The following SCN10A variants were observed in gnomAD, a reference collection of about 807,000 sequenced individuals.
The protein encoded by SCN10A is sodium channel protein type 10 subunit alpha.
A neutral mutation model predicts 170.7 loss-of-function variants in SCN10A; 162 were observed. The observed-to-expected ratio is 0.95, with a 90% confidence interval of 0.84 to 1.08. The LOEUF is 1.08. SCN10A is among the 50% of genes least tolerant of loss of function. The pLI is 0.00. For synonymous variants in SCN10A, 985 were observed against 904.6 expected (o/e 1.09, Z -1.59); for missense variants, 2,527 against 2,436.9 (o/e 1.04, Z -0.78).
chr3:38,757,235 GTT>G, intron 8 of SCN10A, 76 bp from the exon 9 acceptor site: 3 of 1,422,126 alleles, frequency 2.1e-6, no homozygotes, highest in Non-Finnish European at 2.9e-6. Flanking sequence ...CAACCACAGA[GTT>G]TTATGTCAGA....
intron 8 of SCN10A, among the ~76,000 whole-genome samples, chr3:38,759,322 G>A (rs757838799): frequency 1.2e-4 from 18 of 152,098 alleles, no homozygotes; most frequent in Non-Finnish European, 2.2e-4. Flanking sequence ...AGGCAGAGCT[G>A]AGGGGTCCTC....
chr3:38,763,411 G>T (rs544623102), intron 6 of SCN10A, 94 bp downstream of exon 6: 2 of 978,090 alleles, frequency 2.0e-6, no homozygotes, highest in Non-Finnish European at 3.3e-6. Flanking sequence ...GGGGACAATA[G>T]TCTTTGCCCT....
chr3:38,804,343 T>G (rs2064393125), intron 1 of SCN10A, among the ~76,000 whole-genome samples: 1 of 152,138 alleles, frequency 6.6e-6, no homozygotes, highest in Admixed American at 6.5e-5. Flanking sequence ...CAGCAGCCCC[T>G]GGCCACTTTG....
chr3:38,803,569 A>G (rs1192768429), intron 1 of SCN10A, among the ~76,000 whole-genome samples: 1 of 148,634 alleles, frequency 6.7e-6, no homozygotes, highest in African/African-American at 2.5e-5. Context: ...CAAACACTGC[A>G]TGTTCTCACT....
chr3:38,722,563 C>T (rs978235853), intron 19 of SCN10A, 151 bp from the exon 20 acceptor site: 5 of 794,670 alleles, frequency 6.3e-6, no homozygotes, highest in Non-Finnish European at 1.0e-5. Flanking sequence ...AAGAGGGGTC[C>T]CTTCCAGGGA....
In SCN10A at chr3:38,698,344, TACC is replaced by T. The variant is rs767391545; in HGVS notation, c.4873_4875del (p.Gly1625del). 8.7e-6 allele frequency: 14 copies of T among 1,613,844 alleles called. No homozygotes were observed. Among genetic ancestry groups the T allele is most frequent in the Non-Finnish European group, 1.1e-5 (13 of 1,179,888 alleles). On this transcript the variant is annotated inframe_deletion, in exon 28 of 28. Coordinates refer to ENST00000449082, the MANE Select transcript of SCN10A (RefSeq NM_006514.4). ...CACCTCACATGGGGAAAGCTGGACA[TACC>T]GAAGATAGAGTAGATGAACATGACA...
chr3:38,776,292 C>G (rs1259570342), intron 4 of SCN10A, among the ~76,000 whole-genome samples: 1 of 152,024 alleles, frequency 6.6e-6, no homozygotes, highest in African/African-American at 2.4e-5. Flanking sequence ...GGAGGCCATT[C>G]ATTACTTACA....
intron 1 of SCN10A, among the ~76,000 whole-genome samples, chr3:38,808,255 C>G (rs977791991): frequency 5.3e-5 from 8 of 152,112 alleles, no homozygotes; most frequent in African/African-American, 1.9e-4. Context: ...TTTTTTCTCT[C>G]TCTCTCAGCA....
At chr3:38,744,617 C>A (rs1048579030) in intron 13 of SCN10A, among the ~76,000 whole-genome samples, 1 of 151,934 alleles carries the variant, frequency 6.6e-6, no homozygotes, top group South Asian at 2.1e-4. Flanking sequence ...TTGGAAAATA[C>A]CTTCTCCATG....
At position 38,723,731 on chromosome 3, in the gene SCN10A, G is replaced by A. The variant is rs147354941; in HGVS notation, c.3229-178C>T. On this transcript the variant is annotated intron_variant, in intron 18 of 27. Transcript: ENST00000449082. Reference sequence around the variant, plus strand: ...GCTGTGTGAGACTGTAAACCTTCGGGGCCCCTGATGGAGTGCTGGCAATGG... The same window carrying A: ...GCTGTGTGAGACTGTAAACCTTCGGAGCCCCTGATGGAGTGCTGGCAATGG... Among the ~76,000 whole-genome samples the A allele has an allele frequency of 2.7e-3, 415 of 152,306 alleles. 1 individual carries two copies. The highest frequency in any genetic ancestry group is 9.3e-3 in the African/African-American group (386 of 41,566).
intron 26 of SCN10A, among the ~76,000 whole-genome samples, chr3:38,702,311 C>T (rs2063164826): frequency 6.6e-6 from 1 of 152,232 alleles, no homozygotes; most frequent in Non-Finnish European, 1.5e-5. Flanking sequence ...TCTCCTGGCC[C>T]TTTGATGCCA....
At chr3:38,701,715 A>G in intron 27 of SCN10A, 124 bp downstream of exon 27, 1 of 874,220 alleles carries the variant, frequency 1.1e-6, no homozygotes, top group East Asian at 2.6e-5. Context: ...CTGCAAATAC[A>G]GGGTTCTTCT....
At chr3:38,757,232 A>G (rs1458075234) in intron 8 of SCN10A, 73 bp from the exon 9 acceptor site, 4 of 1,445,306 alleles carry the variant, frequency 2.8e-6, no homozygotes, top group Non-Finnish European at 3.7e-6. Flanking sequence ...AGACAACCAC[A>G]GAGTTTTATG....
At chr3:38,713,922 C>A (rs745993374) in intron 22 of SCN10A, 36 bp downstream of exon 22, 4 of 1,610,770 alleles carry the variant, frequency 2.5e-6, no homozygotes, top group Non-Finnish European at 2.5e-6. Context: ...ACCACCGTGC[C>A]TGGCCAGATG....
At chr3:38,786,607 C>T (rs1235191151) in intron 4 of SCN10A, among the ~76,000 whole-genome samples, 1 of 152,020 alleles carries the variant, frequency 6.6e-6, no homozygotes, top group Non-Finnish European at 1.5e-5. Context: ...TGCACATGTA[C>T]CCCAGAACTT....
chr3:38,793,971 G>A lies in SCN10A; in HGVS notation c.40C>T (p.Arg14Cys), dbSNP rs750771811. The change falls in exon 2 of 28, where the codon CGT (arginine) becomes TGT (cysteine). Residue 14 changes from arginine (R) to cysteine (C), a missense_variant. Physicochemically the swap from Arg to Cys is radical, Grantham distance 180. Transcript: ENST00000449082. ...PIGSLETNNF[R>C]RFTPESLVEI... Reference sequence around the variant, plus strand: ...ACCAGTGACTCCGGAGTAAAGCGACGGAAGTTGTTAGTTTCGAGGGATCCA... The same window carrying A: ...ACCAGTGACTCCGGAGTAAAGCGACAGAAGTTGTTAGTTTCGAGGGATCCA... 1.4e-5 allele frequency: 23 copies of A among 1,613,934 alleles called. No homozygotes were observed. Among genetic ancestry groups the A allele is most frequent in the African/African-American group, 9.3e-5 (7 of 75,028 alleles).
chr3:38,752,398 A>G lies in SCN10A; in HGVS notation c.1576T>C (p.Phe526Leu), dbSNP rs1468541965. ...LPEGVTDDGVFPGDHESHRGS... is the reference protein window; with the variant it reads ...LPEGVTDDGVLPGDHESHRGS... ...CGATGGCTTTCGTGGTCTCCAGGAAAGACTCCATCATCTGTGACTCCCTCA... is the reference window on the plus strand; with the variant it reads ...CGATGGCTTTCGTGGTCTCCAGGAAGGACTCCATCATCTGTGACTCCCTCA... Residue 526 changes from phenylalanine (F) to leucine (L), a missense_variant, in exon 12 of 28, where the codon TTT (phenylalanine) becomes CTT (leucine). Physicochemically the swap from Phe to Leu is conservative, Grantham distance 22. Transcript: ENST00000449082. The G allele has an allele frequency of 6.2e-7, 1 of 1,613,846 alleles. No homozygotes were observed. The highest frequency in any genetic ancestry group is 1.3e-5 in the African/African-American group (1 of 74,916).
chr3:38,783,750 T>C (rs970337306), intron 4 of SCN10A, among the ~76,000 whole-genome samples: 5 of 152,074 alleles, frequency 3.3e-5, no homozygotes, highest in Admixed American at 2.6e-4. Flanking sequence ...ATACAGCATA[T>C]GTATGCTTAC....
At chr3:38,779,561 A>G (rs1224324912) in intron 4 of SCN10A, among the ~76,000 whole-genome samples, 1 of 151,078 alleles carries the variant, frequency 6.6e-6, no homozygotes, top group East Asian at 1.9e-4. Context: ...TCTTTCTTTC[A>G]TTTGTTATCC....
Sources: gnomAD v4.1 joint callset for allele counts (sites outside exome capture counted in the v4.1 genomes callset) on GRCh38, gnomAD v4.1.1 for gene constraint, MANE v1.5 for transcripts, NCBI Gene and HGNC (gene_info 2026-07-23, HGNC 2026-07-21) for gene names.